Variants in CTNNA2 observed in about 807,000 individuals in gnomAD.
The protein encoded by CTNNA2 is catenin alpha 2.
In CTNNA2, 42 loss-of-function variants were observed where a neutral mutation model predicts 101.0. That is an observed-to-expected ratio of 0.42 (90% CI 0.32 to 0.54). The LOEUF (loss-of-function observed/expected upper bound fraction) is 0.54, where lower values mean the gene tolerates loss of function less well. Among genes scored for constraint, CTNNA2 ranks in the 20% least tolerant of loss-of-function variants. CTNNA2 has a pLI of 0.14. For synonymous variants in CTNNA2, 450 were observed against 456.4 expected (o/e 0.99, Z 0.18); for missense variants, 871 against 1,223.1 (o/e 0.71, Z 4.29).
At chr2:80,500,491 G>A (rs1687798673) in intron 9 of CTNNA2, among the ~76,000 whole-genome samples, 1 of 152,094 alleles carries the variant, frequency 6.6e-6, no homozygotes, top group South Asian at 2.1e-4. Context: ...CATTTGCCAA[G>A]CATTAATGGA....
intron 7 of CTNNA2, among the ~76,000 whole-genome samples, chr2:80,318,840 T>C (rs537707912): frequency 6.6e-6 from 1 of 152,276 alleles, no homozygotes; most frequent in Admixed American, 6.5e-5. Context: ...AGACAAGAGA[T>C]AGTCCCTTGG....
chr2:80,393,832 GGTCTA>G (rs1677747770), intron 8 of CTNNA2, among the ~76,000 whole-genome samples: 1 of 152,140 alleles, frequency 6.6e-6, no homozygotes, highest in Admixed American at 6.5e-5. Flanking sequence ...TAGTTTGATG[GGTCTA>G]TTTTTCTTAA....
intron 7 of CTNNA2, among the ~76,000 whole-genome samples, chr2:80,262,062 A>G (rs1055240529): frequency 3.9e-5 from 6 of 152,200 alleles, no homozygotes; most frequent in East Asian, 3.9e-4. Flanking sequence ...AATTGTAAAT[A>G]CATGATAATT....
At chr2:80,312,725 A>T (rs1016143534) in intron 7 of CTNNA2, among the ~76,000 whole-genome samples, 1 of 152,234 alleles carries the variant, frequency 6.6e-6, no homozygotes, top group Non-Finnish European at 1.5e-5. Context: ...TTGACACTTA[A>T]TTATCTTGTT....
At chr2:79,551,191 C>T (rs1674078022) in intron 1 of CTNNA2, among the ~76,000 whole-genome samples, 1 of 151,844 alleles carries the variant, frequency 6.6e-6, no homozygotes, top group African/African-American at 2.4e-5. Context: ...GAAGATAGAC[C>T]CAGGAAAAAG....
At chr2:80,163,143 G>A in intron 7 of CTNNA2, 2 of 1,558,070 alleles carry the variant, frequency 1.3e-6, no homozygotes, top group Non-Finnish European at 1.8e-6. Flanking sequence ...TTTATTACTG[G>A]CCCAGCCTGG....
intron 3 of CTNNA2, among the ~76,000 whole-genome samples, chr2:79,825,502 T>A (rs1678366576): frequency 3.3e-5 from 5 of 152,082 alleles, no homozygotes; most frequent in Admixed American, 2.6e-4. Context: ...ATTATCTGGT[T>A]TGAGCATCTA....
chr2:80,337,974 A>G (rs61651462), intron 7 of CTNNA2, among the ~76,000 whole-genome samples: 9,623 of 149,342 alleles, frequency 0.064, 349 homozygotes, highest in Non-Finnish European at 0.088. Flanking sequence ...AAAATCAGAA[A>G]GGGAATGTAG....
chr2:79,482,638 G>C (rs1407453276), intron 4 of CTNNA2, among the ~76,000 whole-genome samples: 2 of 152,068 alleles, frequency 1.3e-5, no homozygotes, highest in African/African-American at 4.8e-5. Context: ...TCTATTCAAA[G>C]AGGTAAAAAG....
intron 9 of CTNNA2, among the ~76,000 whole-genome samples, chr2:80,422,095 A>C (rs1356918633): frequency 6.6e-6 from 1 of 152,220 alleles, no homozygotes; most frequent in Non-Finnish European, 1.5e-5. Context: ...CATATGCAAG[A>C]CTGGGTAATT....
At position 79,478,166 on chromosome 2, in the gene CTNNA2, A is replaced by G. The variant is rs544326685; in HGVS notation, c.-134-26888A>G. ...TTCTTCCTCCCCCACTAAATTTCCA[A>G]CCCCTTTGGAGCTGTAGCTTAAAGG... On this transcript the variant is annotated intron_variant, in intron 4 of 21. Coordinates refer to the CTNNA2 transcript ENST00000466387. Among the ~76,000 whole-genome samples the G allele has an allele frequency of 3.9e-5, 6 of 152,140 alleles. No individual in the cohort carries two copies. The South Asian group carries it at 8.3e-4, about 21-fold the overall frequency.
At chr2:79,925,035 C>G (rs1437680061) in intron 7 of CTNNA2, among the ~76,000 whole-genome samples, 1 of 152,024 alleles carries the variant, frequency 6.6e-6, no homozygotes, top group Non-Finnish European at 1.5e-5. Context: ...TGATCCATAG[C>G]ACAGTGTTAA....
At chr2:80,594,885 T>A (rs1157966643) in intron 15 of CTNNA2, among the ~76,000 whole-genome samples, 1 of 152,088 alleles carries the variant, frequency 6.6e-6, no homozygotes, top group Non-Finnish European at 1.5e-5. Flanking sequence ...TATGTCTGTC[T>A]GTATGCCAGT....
intron 4 of CTNNA2, among the ~76,000 whole-genome samples, chr2:79,444,717 A>G (rs1422110453): frequency 6.6e-6 from 1 of 152,062 alleles, no homozygotes; most frequent in Non-Finnish European, 1.5e-5. Context: ...ATGGGGTTGT[A>G]TACACATCAT....
intron 7 of CTNNA2, among the ~76,000 whole-genome samples, chr2:80,029,993 G>T (rs1695186212): frequency 6.6e-6 from 1 of 152,082 alleles, no homozygotes; most frequent in Admixed American, 6.6e-5. Context: ...AAGCAATTTG[G>T]CTAAGACCCC....
intron 12 of CTNNA2, among the ~76,000 whole-genome samples, chr2:80,568,307 C>G (rs1399582905): frequency 6.6e-6 from 1 of 152,220 alleles, no homozygotes; most frequent in African/African-American, 2.4e-5. Context: ...ATGCTACTCA[C>G]TTTGTCCGTG....
At chr2:80,481,362 G>T (rs1462437884) in intron 9 of CTNNA2, among the ~76,000 whole-genome samples, 2 of 152,008 alleles carry the variant, frequency 1.3e-5, no homozygotes, top group Non-Finnish European at 1.5e-5. Flanking sequence ...TTGTAAAATG[G>T]TGATAATAAT....
At chr2:79,262,386 A>C (rs1404884762) in intron 2 of CTNNA2, among the ~76,000 whole-genome samples, 1 of 152,214 alleles carries the variant, frequency 6.6e-6, no homozygotes, top group East Asian at 1.9e-4. Context: ...AAGTTAAATA[A>C]TATCAATAAT....
At chr2:80,555,961 T>A in intron 12 of CTNNA2, 68 bp downstream of exon 12, 4 of 1,117,578 alleles carry the variant, frequency 3.6e-6, no homozygotes, top group Non-Finnish European at 4.9e-6. Context: ...TGAATAAATC[T>A]GTTTCATTGA....
Sources: gnomAD v4.1 joint callset for allele counts (sites outside exome capture counted in the v4.1 genomes callset) on GRCh38, gnomAD v4.1.1 for gene constraint, MANE v1.5 for transcripts, NCBI Gene and HGNC (gene_info 2026-07-23, HGNC 2026-07-21) for gene names.